The following LPP variants were observed in gnomAD, a reference collection of about 807,000 sequenced individuals.
The protein encoded by LPP is lipoma-preferred partner.
Under a neutral mutation model 60.4 loss-of-function variants are expected in LPP, and 38 were observed. The observed-to-expected ratio is 0.63, with a 90% CI of 0.49 to 0.83. The LOEUF (loss-of-function observed/expected upper bound fraction) is 0.83. LPP is among the 40% of genes least tolerant of loss of function. The pLI is 0.00. For missense variants in LPP, 902 were observed against 783.6 expected (o/e 1.15, Z -1.80); for synonymous variants, 328 against 290.8 (o/e 1.13, Z -1.30).
At chr3:188,350,611 CAA>C (rs1281357540) in intron 3 of LPP, among the ~76,000 whole-genome samples, 2 of 152,192 alleles carry the variant, frequency 1.3e-5, no homozygotes, top group Non-Finnish European at 2.9e-5. Context: ...TGAAATTCTA[CAA>C]AGTCTCTTAT....
chr3:188,235,058 C>A (rs539155324), intron 2 of LPP, among the ~76,000 whole-genome samples: 39 of 152,228 alleles, frequency 2.6e-4, no homozygotes, highest in Admixed American at 2.0e-3. Flanking sequence ...AGGAAGAGGG[C>A]ATTTTAGGAT....
At chr3:188,407,737 G>A (rs1783859404) in intron 4 of LPP, among the ~76,000 whole-genome samples, 1 of 151,318 alleles carries the variant, frequency 6.6e-6, no homozygotes. Flanking sequence ...ATAGGGACAG[G>A]AGGAGCCATA....
chr3:188,508,421 A>C (rs1386542185), intron 5 of LPP, among the ~76,000 whole-genome samples: 1 of 152,244 alleles, frequency 6.6e-6, no homozygotes, highest in Non-Finnish European at 1.5e-5. Context: ...AGACATAAAC[A>C]GCTCTGCCTA....
chr3:188,729,844 G>A (rs1327759706), intron 8 of LPP, among the ~76,000 whole-genome samples: 1 of 152,098 alleles, frequency 6.6e-6, no homozygotes, highest in Middle Eastern at 3.4e-3. Flanking sequence ...AAATGGATGG[G>A]CATGATGGCA....
chr3:188,188,441 G>C (rs1202841666), intron 1 of LPP, among the ~76,000 whole-genome samples: 1 of 152,154 alleles, frequency 6.6e-6, no homozygotes, highest in Non-Finnish European at 1.5e-5. Context: ...AACACTCCAT[G>C]ACTTAGGCCC....
At chr3:188,349,640 C>T (rs1023609045) in intron 3 of LPP, among the ~76,000 whole-genome samples, 1 of 152,212 alleles carries the variant, frequency 6.6e-6, no homozygotes, top group Non-Finnish European at 1.5e-5. Context: ...TTCTGTGGCT[C>T]TTTCTTTCCA....
intron 7 of LPP, among the ~76,000 whole-genome samples, chr3:188,666,967 A>G (rs1341871757): frequency 6.6e-6 from 1 of 152,148 alleles, no homozygotes; most frequent in East Asian, 1.9e-4. Context: ...ATCTTTTATC[A>G]CTGTTTTCTG....
chr3:188,181,677 T>A (rs1030754345), intron 1 of LPP, among the ~76,000 whole-genome samples: 8 of 152,360 alleles, frequency 5.3e-5, no homozygotes, highest in Middle Eastern at 3.4e-3. Flanking sequence ...GTACATACTT[T>A]GAAAGCAATG....
intron 2 of LPP, among the ~76,000 whole-genome samples, chr3:188,338,986 C>T (rs1003904045): frequency 5.3e-5 from 8 of 152,238 alleles, no homozygotes; most frequent in African/African-American, 1.7e-4. Context: ...TTCTTTACCC[C>T]CTGTTATTTT....
At chr3:188,658,122 A>AGT (rs1853722088) in intron 7 of LPP, among the ~76,000 whole-genome samples, 1 of 4,196 alleles carries the variant, frequency 2.4e-4, no homozygotes, top group Non-Finnish European at 1.1e-3. Flanking sequence ...TTCTGAAGTT[A>AGT]TTAGTTTAGT....
chr3:188,793,174 CT>C (rs1744302451), intron 9 of LPP, among the ~76,000 whole-genome samples: 1 of 130,110 alleles, frequency 7.7e-6, no homozygotes, highest in Admixed American at 8.8e-5. Flanking sequence ...GCCTCCCTTT[CT>C]CATTTATCCT....
intron 2 of LPP, among the ~76,000 whole-genome samples, chr3:188,284,772 G>A (rs922733575): frequency 2.0e-5 from 3 of 152,176 alleles, no homozygotes; most frequent in African/African-American, 7.2e-5. Context: ...AGACAAAAAC[G>A]GGCAGGGGGA....
At chr3:188,420,828 G>A (rs903396865) in intron 4 of LPP, among the ~76,000 whole-genome samples, 1 of 152,202 alleles carries the variant, frequency 6.6e-6, no homozygotes, top group African/African-American at 2.4e-5. Flanking sequence ...GGTGGTGGTA[G>A]TAACTACAGT....
intron 2 of LPP, among the ~76,000 whole-genome samples, chr3:188,229,343 C>T (rs1042642863): frequency 6.6e-6 from 1 of 152,126 alleles, no homozygotes; most frequent in Non-Finnish European, 1.5e-5. Context: ...AATTATTTCC[C>T]TCTGTTGATA....
At chr3:188,726,415 A>C (rs771251080) in intron 8 of LPP, among the ~76,000 whole-genome samples, 1 of 152,186 alleles carries the variant, frequency 6.6e-6, no homozygotes, top group African/African-American at 2.4e-5. Context: ...TCCTCTCTTT[A>C]TCAATACTTA....
intron 1 of LPP, among the ~76,000 whole-genome samples, chr3:188,216,942 C>T (rs1227684906): frequency 6.6e-6 from 1 of 152,202 alleles, no homozygotes; most frequent in African/African-American, 2.4e-5. Flanking sequence ...GGCATGTATT[C>T]ATCTAATTTT....
chr3:188,283,636 A>G (rs1417598800), intron 2 of LPP, among the ~76,000 whole-genome samples: 1 of 152,186 alleles, frequency 6.6e-6, no homozygotes, highest in Non-Finnish European at 1.5e-5. Flanking sequence ...CGTGATACTA[A>G]GGAAAGAGAA....
At chr3:188,344,944 T>G (rs1763942748) in intron 3 of LPP, among the ~76,000 whole-genome samples, 1 of 152,164 alleles carries the variant, frequency 6.6e-6, no homozygotes, top group Non-Finnish European at 1.5e-5. Flanking sequence ...GCTTCTTCCA[T>G]TATTTGATTT....
intron 7 of LPP, among the ~76,000 whole-genome samples, chr3:188,661,207 T>G (rs1275869579): frequency 2.6e-5 from 4 of 152,210 alleles, no homozygotes; most frequent in Admixed American, 2.0e-4. Context: ...TTTTATTATA[T>G]AGATGTCCAC....
Sources: allele counts gnomAD v4.1 joint callset (sites outside exome capture counted in the v4.1 genomes callset), GRCh38; gene constraint gnomAD v4.1.1; transcripts MANE v1.5; gene names NCBI Gene and HGNC (gene_info 2026-07-23, HGNC 2026-07-21).